SS18L1: variants seen among roughly 807,000 people sequenced by gnomAD.
The protein encoded by SS18L1 is calcium-responsive transactivator.
A neutral mutation model predicts 70.3 loss-of-function variants in SS18L1; 32 were observed. The observed-to-expected ratio is 0.46, with a 90% CI of 0.34 to 0.61. SS18L1 has a LOEUF of 0.61. SS18L1 is among the 20% of genes least tolerant of loss of function. The probability of loss-of-function intolerance (pLI) is 0.01; values close to 1 mark genes in which losing one functional copy is unlikely to be tolerated. For missense variants in SS18L1, 430 were observed against 542.1 expected, an observed-to-expected ratio of 0.79 and a Z score of 2.05; for synonymous variants, 237 against 229.7, an observed-to-expected ratio of 1.03 and a Z score of -0.29.
At chr20:62,167,291 C>T (rs946605390) in intron 8 of SS18L1, among the ~76,000 whole-genome samples, 8 of 151,334 alleles carry the variant, frequency 5.3e-5, no homozygotes, top group Middle Eastern at 6.8e-3. Context: ...GATCCACCTG[C>T]CTCAGCCTCC....
At chr20:62,149,243 G>T (rs2057086030) in intron 1 of SS18L1, among the ~76,000 whole-genome samples, 1 of 152,268 alleles carries the variant, frequency 6.6e-6, no homozygotes, top group African/African-American at 2.4e-5. Context: ...GGCCTGTGGG[G>T]CCTGGGAGGC....
chr20:62,153,326 A>G (rs540879286), intron 1 of SS18L1, among the ~76,000 whole-genome samples: 5 of 152,298 alleles, frequency 3.3e-5, no homozygotes, highest in African/African-American at 1.2e-4. Context: ...GGGGACACAG[A>G]CAGACCCTAT....
chr20:62,146,626 T>TTTTTTTTG (rs2057032959), intron 1 of SS18L1, among the ~76,000 whole-genome samples: 2 of 145,910 alleles, frequency 1.4e-5, no homozygotes, highest in African/African-American at 2.5e-5. Context: ...TTTTTTTTTT[T>TTTTTTTTG]GAGATGGAGT....
intron 1 of SS18L1, among the ~76,000 whole-genome samples, chr20:62,149,146 G>A (rs2057083849): frequency 6.6e-6 from 1 of 152,262 alleles, no homozygotes; most frequent in Non-Finnish European, 1.5e-5. Context: ...GCAGGTGGTG[G>A]CAGTGTCACG....
At chr20:62,167,173 G>C (rs1294429847) in intron 8 of SS18L1, among the ~76,000 whole-genome samples, 1 of 148,644 alleles carries the variant, frequency 6.7e-6, no homozygotes, top group African/African-American at 2.5e-5. Flanking sequence ...AGCCTCTTGA[G>C]TAGCTCGGAT....
rs768084919 is a variant in SS18L1, at chr20:62,158,759, G to A, written c.146+11G>A. ...GGCCGAGTGCACGCAGTGAGTGCCCGCCATACACCGGAACACTTGGAGGGT... is the reference window on the plus strand; with the variant it reads ...GGCCGAGTGCACGCAGTGAGTGCCCACCATACACCGGAACACTTGGAGGGT... On this transcript the variant is annotated intron_variant, in intron 2 of 10. Transcript: ENST00000331758. This position sits in a 1 kb window ranked among gnomAD's most constrained non-coding sequence, Gnocchi z 4.5. 3.7e-6 allele frequency: 6 copies of A among 1,612,982 alleles called. No homozygotes were observed. Among genetic ancestry groups the A allele is most frequent in the South Asian group, 2.2e-5 (2 of 91,090 alleles).
chr20:62,165,384 C>G (rs200549376), intron 7 of SS18L1, 38 bp from the exon 8 acceptor site: 1 of 1,586,918 alleles, frequency 6.3e-7, no homozygotes, highest in Admixed American at 1.7e-5. Flanking sequence ...GTGCAGTGCA[C>G]AGCCTCCGCT....
chr20:62,163,766 A>G, intron 6 of SS18L1, 144 bp downstream of exon 6: 2 of 1,203,786 alleles, frequency 1.7e-6, no homozygotes, highest in Non-Finnish European at 1.1e-6. Flanking sequence ...TGGTGTTAAC[A>G]TTGAGTGTGG....
chr20:62,176,311 A>G (rs1229981561), intron 10 of SS18L1, among the ~76,000 whole-genome samples: 1 of 152,150 alleles, frequency 6.6e-6, no homozygotes, highest in Non-Finnish European at 1.5e-5. Flanking sequence ...AGAGCCCAGG[A>G]GTTTGAGACC....
intron 8 of SS18L1, among the ~76,000 whole-genome samples, chr20:62,170,487 CAG>C (rs2057511420): frequency 6.6e-6 from 1 of 151,960 alleles, no homozygotes; most frequent in Non-Finnish European, 1.5e-5. Context: ...GCCTGGGTGA[CAG>C]AGCGAGACTC....
rs564884970 is a variant in SS18L1, at chr20:62,148,205, C to T, written c.69+4316C>T. On this transcript the variant is annotated intron_variant, in intron 1 of 10. Coordinates refer to ENST00000331758, the MANE Select transcript of SS18L1 (RefSeq NM_198935.3). Reference sequence around the variant, plus strand: ...TGGGCTCAGCCCCGGGGAGGGACCCCGCAGCCACCGGCCTTGCTCGGCCTC... The same window carrying T: ...TGGGCTCAGCCCCGGGGAGGGACCCTGCAGCCACCGGCCTTGCTCGGCCTC... Among the ~76,000 whole-genome samples, 9 of 152,376 alleles carry T rather than the reference C, an allele frequency of 5.9e-5. No individual in the cohort carries two copies. The East Asian group carries it at 9.6e-4, about 16-fold the overall frequency.
At chr20:62,169,028 T>G (rs1033683802) in intron 8 of SS18L1, among the ~76,000 whole-genome samples, 1 of 150,852 alleles carries the variant, frequency 6.6e-6, no homozygotes, top group Non-Finnish European at 1.5e-5. Flanking sequence ...CGGGGTCACT[T>G]GTGCTGGGCA....
In SS18L1 at chr20:62,159,987, C is replaced by T; in HGVS notation, c.231+26C>T. The T allele has an allele frequency of 1.9e-6, 3 of 1,600,156 alleles. No individual in the cohort carries two copies. The highest frequency in any genetic ancestry group is 2.6e-6 in the Non-Finnish European group (3 of 1,174,122). On this transcript the variant is annotated intron_variant, in intron 3 of 10. Coordinates refer to ENST00000331758, the MANE Select transcript of SS18L1 (RefSeq NM_198935.3). This position sits in a 1 kb window ranked among gnomAD's most constrained non-coding sequence, Gnocchi z 4.4. ...GTGAGTACCCACGGGGGGTTGGCCT[C>T]CTTTACCCAGCAAGGACTCCGACAC...
intron 3 of SS18L1, 145 bp downstream of exon 3, chr20:62,160,106 G>T: frequency 1.2e-6 from 1 of 820,748 alleles, no homozygotes; most frequent in Middle Eastern, 2.4e-4. Context: ...AAATGGGAGT[G>T]TGGGCGGTGG....
intron 1 of SS18L1, among the ~76,000 whole-genome samples, chr20:62,145,844 G>C (rs2057014892): frequency 6.6e-6 from 1 of 152,186 alleles, no homozygotes; most frequent in African/African-American, 2.4e-5. Context: ...AAAGGTGTGA[G>C]AGGTGTATGT....
chr20:62,160,945 G>A (rs1001812363), intron 3 of SS18L1, among the ~76,000 whole-genome samples: 4 of 151,974 alleles, frequency 2.6e-5, no homozygotes, highest in Non-Finnish European at 2.9e-5. Context: ...CCTTCTGTGC[G>A]GTGTGATCCG....
intron 8 of SS18L1, among the ~76,000 whole-genome samples, chr20:62,168,536 T>TTGTG (rs2057474528): frequency 6.6e-6 from 1 of 151,874 alleles, no homozygotes; most frequent in Non-Finnish European, 1.5e-5. Context: ...GATCCCAGCA[T>TTGTG]CAGGCCAGGT....
At chr20:62,160,849 G>C (rs1250007239) in intron 3 of SS18L1, among the ~76,000 whole-genome samples, 1 of 152,122 alleles carries the variant, frequency 6.6e-6, no homozygotes, top group African/African-American at 2.4e-5. Context: ...TCTTGGCCAG[G>C]TGTAGACAGC....
chr20:62,155,421 A>G (rs754060511), intron 1 of SS18L1, among the ~76,000 whole-genome samples: 2 of 152,204 alleles, frequency 1.3e-5, no homozygotes, highest in Admixed American at 1.3e-4. Context: ...TCAGAAGAAA[A>G]GCAAATAGAA....
Sources: gnomAD v4.1 joint callset for allele counts (sites outside exome capture counted in the v4.1 genomes callset) on GRCh38, gnomAD v4.1.1 for gene constraint, Gnocchi (gnomAD v3.1) non-coding constraint, MANE v1.5 for transcripts, NCBI Gene and HGNC (gene_info 2026-07-23, HGNC 2026-07-21) for gene names.